Variants in SCML4 observed in about 807,000 individuals in gnomAD.
SCML4 encodes the protein Scm polycomb group protein like 4.
A neutral mutation model predicts 41.1 loss-of-function variants in SCML4; 34 were observed. The ratio of observed to expected loss-of-function variants is 0.83; its 90% CI spans 0.63 to 1.10. The LOEUF (loss-of-function observed/expected upper bound fraction) is 1.10, where lower values mean the gene tolerates loss of function less well. Among genes scored for constraint, SCML4 ranks in the 50% least tolerant of loss-of-function variants. SCML4 has a pLI of 0.00. For missense variants in SCML4, 522 were observed against 534.1 expected, an observed-to-expected ratio of 0.98 and a Z score of 0.22; for synonymous variants, 214 against 220.9, an observed-to-expected ratio of 0.97 and a Z score of 0.28.
intron 5 of SCML4, among the ~76,000 whole-genome samples, chr6:107,739,779 G>A (rs1397692289): frequency 6.6e-6 from 1 of 152,134 alleles, no homozygotes; most frequent in Non-Finnish European, 1.5e-5. Context: ...AAGAAACTTT[G>A]ACAAGGCGAT....
intron 6 of SCML4, among the ~76,000 whole-genome samples, chr6:107,712,085 T>C (rs1248661304): frequency 6.6e-6 from 1 of 152,132 alleles, no homozygotes; most frequent in African/African-American, 2.4e-5. Context: ...TGAATGCCGA[T>C]CCACACTTAT....
the SCML4 span, among the ~76,000 whole-genome samples, chr6:107,838,739 G>T: frequency 6.6e-6 from 1 of 152,140 alleles, no homozygotes; most frequent in African/African-American, 2.4e-5. Context: ...ACGGTTTGGG[G>T]ATAAATTTGT....
intron 5 of SCML4, among the ~76,000 whole-genome samples, chr6:107,742,199 T>C (rs868502584): frequency 2.6e-5 from 4 of 152,178 alleles, no homozygotes; most frequent in Middle Eastern, 3.4e-3. Context: ...AGGAAATAAT[T>C]AGTGAGCTCG....
chr6:107,741,876 G>C (rs969590053), intron 5 of SCML4, among the ~76,000 whole-genome samples: 2 of 152,150 alleles, frequency 1.3e-5, no homozygotes, highest in Non-Finnish European at 2.9e-5. Flanking sequence ...CAAAGACATA[G>C]ACACATCCAC....
At chr6:107,727,857 T>G (rs999598245) in intron 5 of SCML4, among the ~76,000 whole-genome samples, 3 of 152,252 alleles carry the variant, frequency 2.0e-5, no homozygotes, top group Non-Finnish European at 4.4e-5. Context: ...TGTTGGAAAG[T>G]TCTCATAGTC....
At chr6:107,714,415 G>A (rs1372421921) in intron 6 of SCML4, among the ~76,000 whole-genome samples, 1 of 152,156 alleles carries the variant, frequency 6.6e-6, no homozygotes, top group Admixed American at 6.5e-5. Flanking sequence ...TCTCTGGGAA[G>A]CCTTTCCAGA....
intron 1 of SCML4, among the ~76,000 whole-genome samples, chr6:107,799,237 C>T (rs965433321): frequency 2.0e-5 from 3 of 152,122 alleles, no homozygotes; most frequent in Non-Finnish European, 2.9e-5. Flanking sequence ...TATTTTGAAG[C>T]TCTGTTATTA....
At chr6:107,755,703 A>G (rs2114524781) in intron 2 of SCML4, 2 of 1,058,616 alleles carry the variant, frequency 1.9e-6, no homozygotes, top group Non-Finnish European at 2.5e-6. Context: ...TGTTTTTTAA[A>G]TGGACAAAAT....
chr6:107,759,172 C>T (rs986339517), intron 2 of SCML4, among the ~76,000 whole-genome samples: 2 of 109,508 alleles, frequency 1.8e-5, no homozygotes, highest in East Asian at 5.3e-4. Context: ...CAAAACAAAA[C>T]AAAAAAAAAC....
chr6:107,778,522 G>A lies in SCML4; in HGVS notation c.-59-6136C>T, dbSNP rs576995980. On this transcript the variant is annotated intron_variant, in intron 1 of 7. Coordinates refer to ENST00000369020, the MANE Select transcript of SCML4 (RefSeq NM_198081.5). ...GGAATATTAAATCAAGTGATTTTCC[G>A]CTGGCTTCCTAAGTCTCCCTCTTCT... Among the ~76,000 whole-genome samples, 46 of 151,976 alleles carry A rather than the reference G, an allele frequency of 3.0e-4. No homozygotes were observed. In the East Asian group the frequency reaches 8.1e-3, roughly 27 times the overall value.
At chr6:107,751,610 CT>C (rs1173066592) in intron 2 of SCML4, among the ~76,000 whole-genome samples, 4 of 145,434 alleles carry the variant, frequency 2.8e-5, no homozygotes, top group Non-Finnish European at 6.0e-5. Context: ...TTCTTTCTTT[CT>C]TTCTTTCTTT....
intron 1 of SCML4, among the ~76,000 whole-genome samples, chr6:107,822,205 T>A (rs1396486869): frequency 6.6e-6 from 1 of 152,230 alleles, no homozygotes; most frequent in East Asian, 1.9e-4. Context: ...AGTATTTTTT[T>A]AAAGTCAATA....
intron 2 of SCML4, among the ~76,000 whole-genome samples, chr6:107,768,635 T>C (rs1780268160): frequency 6.6e-6 from 1 of 152,190 alleles, no homozygotes; most frequent in African/African-American, 2.4e-5. Flanking sequence ...TCCTGCAGTT[T>C]TTCTACACTT....
At chr6:107,726,982 G>T (rs1776049612) in intron 5 of SCML4, among the ~76,000 whole-genome samples, 1 of 152,144 alleles carries the variant, frequency 6.6e-6, no homozygotes, top group South Asian at 2.1e-4. Context: ...ATTCATAATA[G>T]CTAAAAAGTG....
At chr6:107,716,168 A>G (rs563474367) in intron 6 of SCML4, among the ~76,000 whole-genome samples, 3 of 152,298 alleles carry the variant, frequency 2.0e-5, no homozygotes, top group African/African-American at 7.2e-5. Context: ...GTTTAAGCAA[A>G]GCACATATAG....
At chr6:107,826,440 G>A (rs4946872), upstream of SCML4, among the ~76,000 whole-genome samples, 39,087 of 152,014 alleles carry the variant, frequency 0.26, 6,906 homozygotes, top group African/African-American at 0.51. Flanking sequence ...TGAGCTTAAA[G>A]CACCTGGAAT....
At chr6:107,825,880 T>C (rs1374080968), upstream of SCML4, among the ~76,000 whole-genome samples, 3 of 132,010 alleles carry the variant, frequency 2.3e-5, no homozygotes, top group Admixed American at 1.9e-4. Context: ...GAGCTCACAG[T>C]GAGCCGATAC....
intron 1 of SCML4, among the ~76,000 whole-genome samples, chr6:107,777,345 T>G (rs1407790384): frequency 6.6e-6 from 1 of 152,192 alleles, no homozygotes; most frequent in Non-Finnish European, 1.5e-5. Context: ...CTTGAACTCC[T>G]GACCTCATGA....
At chr6:107,837,498 C>T in the SCML4 span, among the ~76,000 whole-genome samples, 1 of 152,186 alleles carries the variant, frequency 6.6e-6, no homozygotes, top group African/African-American at 2.4e-5. Flanking sequence ...TTGTCCCCAA[C>T]ACCCATAATG....
Sources: allele counts gnomAD v4.1 joint callset (sites outside exome capture counted in the v4.1 genomes callset), GRCh38; gene constraint gnomAD v4.1.1; transcripts MANE v1.5; gene names NCBI Gene and HGNC (gene_info 2026-07-23, HGNC 2026-07-21).